Variants in SLC25A48 observed in about 807,000 individuals in gnomAD.
SLC25A48 encodes the protein CTC-321K16.1.
Under a neutral mutation model 32.2 loss-of-function variants are expected in SLC25A48, and 29 were observed. That is an observed-to-expected ratio of 0.90 (90% confidence interval 0.67 to 1.23). SLC25A48 has a LOEUF of 1.23. Among genes scored for constraint, SLC25A48 ranks in the 50% most tolerant of loss-of-function variants. SLC25A48 has a pLI of 0.00. For missense variants in SLC25A48, 399 were observed against 422.7 expected (o/e 0.94, Z 0.49); for synonymous variants, 164 against 172.3 (o/e 0.95, Z 0.38).
Position 135,664,506 on chromosome 5 carries a change from G to A in SLC25A48, c.-521+29550G>A, listed in dbSNP as rs540340249. 4.6e-5 allele frequency among the ~76,000 whole-genome samples: 7 copies of A among 152,190 alleles called. No homozygotes were observed. The East Asian group carries it at 5.8e-4, about 13-fold the overall frequency. Reference sequence around the variant, plus strand: ...TGGTTACATAAATGAATTGTTTAGCGGTCAAGTCAGATTTTGGTGCACCCT... The same window carrying A: ...TGGTTACATAAATGAATTGTTTAGCAGTCAAGTCAGATTTTGGTGCACCCT... On this transcript the variant is annotated intron_variant, in intron 3 of 10. Transcript: ENST00000646290.
Position 135,743,025 on chromosome 5 carries a change from C to G in SLC25A48, c.-520-69498C>G, listed in dbSNP as rs1328186338. Among the ~76,000 whole-genome samples the G allele has an allele frequency of 2.4e-4, 3 of 12,394 alleles. 1 individual carries two copies. Among genetic ancestry groups the G allele is most frequent in the African/African-American group, 7.3e-4 (3 of 4,108 alleles). 8.1% of individuals were successfully genotyped at this position (12,394 alleles called of 152,430 possible). ...CCTCCCTTCCCCTTCCCTCCCCTCC[C>G]CTCCCTTCCCTTTCCTTCCCCTCCC... is the stretch of plus-strand genomic sequence containing the variant. On this transcript the variant is annotated intron_variant, in intron 3 of 10. Transcript: ENST00000646290.
chr5:135,887,473 C>T (rs920228060), intron 7 of SLC25A48, among the ~76,000 whole-genome samples: 3 of 148,210 alleles, frequency 2.0e-5, no homozygotes, highest in African/African-American at 7.5e-5. Flanking sequence ...TGTGTGTGTA[C>T]ATATACACAC....
At chr5:135,635,640 A>G (rs1752683716) in intron 3 of SLC25A48, among the ~76,000 whole-genome samples, 1 of 152,244 alleles carries the variant, frequency 6.6e-6, no homozygotes, top group Non-Finnish European at 1.5e-5. Context: ...CTCTGGAGAA[A>G]GTAAAACAGT....
chr5:135,830,925 G>T (rs576420363), upstream of SLC25A48, among the ~76,000 whole-genome samples: 4 of 152,314 alleles, frequency 2.6e-5, no homozygotes, highest in South Asian at 8.3e-4. Flanking sequence ...GGACTGAGCG[G>T]CATGGTGAGA....
At chr5:135,814,037 C>G (rs987628151) in intron 4 of SLC25A48, among the ~76,000 whole-genome samples, 17 of 152,264 alleles carry the variant, frequency 1.1e-4, no homozygotes, top group Admixed American at 7.2e-4. Flanking sequence ...TCAGAGGCAC[C>G]CATGTGGCGG....
At chr5:135,862,686 C>T (rs1032137677) in intron 4 of SLC25A48, among the ~76,000 whole-genome samples, 15 of 152,178 alleles carry the variant, frequency 9.9e-5, no homozygotes, top group African/African-American at 2.9e-4. Context: ...TTTAGTTCTA[C>T]GTAGCATTTA....
chr5:135,805,294 A>G (rs771290525), intron 3 of SLC25A48, among the ~76,000 whole-genome samples: 3 of 151,218 alleles, frequency 2.0e-5, no homozygotes, highest in Non-Finnish European at 4.4e-5. Flanking sequence ...CAGTGTATGT[A>G]CACATTGTGT....
chr5:135,874,040 A>T lies in SLC25A48; in HGVS notation c.699A>T (p.Thr233=), dbSNP rs533146117. Residue 233 remains threonine (T), a synonymous_variant, in exon 6 of 8, where the codon ACA becomes ACT. Transcript: ENST00000681962. ...TTGCAGGAGCAATTTCTTGGGGGAC[A>T]GCGACTCCTATGGATGTCGTGAAAA... ...GGMAGAISWG[T]ATPMDVVKSR... is the part of the protein sequence containing the mutation. 4 of 1,532,670 alleles carry T rather than the reference A, an allele frequency of 2.6e-6. No individual in the cohort carries two copies. In the South Asian group the frequency reaches 4.8e-5, roughly 18 times the overall value. The allele number at this position is 1,532,670 out of a possible 1,614,324, so 94.9% of individuals were successfully genotyped here. A position where few individuals can be genotyped will look rare whatever the true frequency, so the allele number is the denominator to read the frequency against.
chr5:135,756,919 G>C (rs1755925214), intron 3 of SLC25A48, among the ~76,000 whole-genome samples: 1 of 150,172 alleles, frequency 6.7e-6, no homozygotes, highest in African/African-American at 2.4e-5. Flanking sequence ...CACTGTGATA[G>C]TAATAAAATA....
At chr5:135,768,073 G>A (rs547641067) in intron 3 of SLC25A48, among the ~76,000 whole-genome samples, 2 of 147,784 alleles carry the variant, frequency 1.4e-5, no homozygotes, top group African/African-American at 5.0e-5. Flanking sequence ...TATCGCAGCG[G>A]GTGTACACCC....
chr5:135,668,618 T>C (rs1753577459), intron 3 of SLC25A48, among the ~76,000 whole-genome samples: 1 of 152,216 alleles, frequency 6.6e-6, no homozygotes, highest in African/African-American at 2.4e-5. Context: ...ACTCACTGTT[T>C]AGTGTGAGAC....
chr5:135,706,750 C>T (rs1366003323), intron 3 of SLC25A48, among the ~76,000 whole-genome samples: 3 of 152,124 alleles, frequency 2.0e-5, no homozygotes, highest in Non-Finnish European at 2.9e-5. Context: ...CCTCAAGCCA[C>T]TGATGTGCAG....
At chr5:135,706,514 T>G (rs1424061095) in intron 3 of SLC25A48, among the ~76,000 whole-genome samples, 2 of 123,148 alleles carry the variant, frequency 1.6e-5, no homozygotes, top group Non-Finnish European at 3.9e-5. Context: ...TAAGAAATAC[T>G]CAATATTTAT....
At chr5:135,833,840 G>C (rs1758304478), upstream of SLC25A48, among the ~76,000 whole-genome samples, 2 of 152,178 alleles carry the variant, frequency 1.3e-5, no homozygotes, top group African/African-American at 4.8e-5. Context: ...AAGGAGGTCT[G>C]GCTGGCTGTC....
intron 3 of SLC25A48, among the ~76,000 whole-genome samples, chr5:135,788,196 G>A (rs1756902056): frequency 6.6e-6 from 1 of 151,172 alleles, no homozygotes; most frequent in South Asian, 2.1e-4. Context: ...TTCCCTTGTA[G>A]CGGGGGTCGT....
intron 1 of SLC25A48, among the ~76,000 whole-genome samples, chr5:135,626,306 G>A (rs1312256529): frequency 6.6e-6 from 1 of 152,218 alleles, no homozygotes; most frequent in African/African-American, 2.4e-5. Flanking sequence ...TCTGCAAAGT[G>A]GGATTTCTTC....
intron 1 of SLC25A48, among the ~76,000 whole-genome samples, chr5:135,590,768 G>C (rs545141211): frequency 1.2e-4 from 19 of 152,340 alleles, no homozygotes; most frequent in African/African-American, 4.1e-4. Flanking sequence ...GGCTGGCTTT[G>C]TGAGACCTGA....
chr5:135,787,201 T>G (rs971967635), intron 3 of SLC25A48, among the ~76,000 whole-genome samples: 2 of 152,092 alleles, frequency 1.3e-5, no homozygotes, highest in African/African-American at 2.4e-5. Context: ...TCACAGTGGG[T>G]GTACAACAAA....
rs574268394 is a variant in SLC25A48, at chr5:135,665,385, T to C, written c.-521+30429T>C. 3.9e-5 allele frequency among the ~76,000 whole-genome samples: 6 copies of C among 152,372 alleles called. No individual in the cohort carries two copies. In the East Asian group the frequency reaches 5.8e-4, roughly 15 times the overall value. On this transcript the variant is annotated intron_variant, in intron 3 of 10. Transcript: ENST00000646290. Reference sequence around the variant, plus strand: ...CTTATTCTGTGGATTGTCTGTTTACTCTGATGATTATTTCTTTTGCTGTAC... The same window carrying C: ...CTTATTCTGTGGATTGTCTGTTTACCCTGATGATTATTTCTTTTGCTGTAC...
Sources: allele counts gnomAD v4.1 joint callset (sites outside exome capture counted in the v4.1 genomes callset), GRCh38; gene constraint gnomAD v4.1.1; transcripts MANE v1.5; gene names NCBI Gene and HGNC (gene_info 2026-07-23, HGNC 2026-07-21).